Variants in HERC6 observed in about 807,000 individuals in gnomAD.
HERC6 encodes the protein HECT and RLD domain containing E3 ubiquitin protein ligase family member 6.
In HERC6, 101 loss-of-function variants were observed where a neutral mutation model predicts 114.5. That is an observed-to-expected ratio of 0.88 (90% CI 0.75 to 1.04). The LOEUF (loss-of-function observed/expected upper bound fraction) is 1.04, where lower values mean the gene tolerates loss of function less well. Among genes scored for constraint, HERC6 ranks in the 50% least tolerant of loss-of-function variants. The pLI is 0.00. For synonymous variants in HERC6, 408 were observed against 436.2 expected (o/e 0.94, Z 0.81); for missense variants, 1,133 against 1,230.9 (o/e 0.92, Z 1.19).
At chr4:88,384,097 C>T (rs1315627799) in intron 2 of HERC6, among the ~76,000 whole-genome samples, 1 of 152,100 alleles carries the variant, frequency 6.6e-6, no homozygotes, top group Non-Finnish European at 1.5e-5. Flanking sequence ...CCAGTAACTT[C>T]CTTGAGTGAG....
intron 2 of HERC6, 42 bp downstream of exon 2, chr4:88,383,422 A>ATATATATAT: frequency 7.1e-7 from 1 of 1,415,696 alleles, no homozygotes; most frequent in Non-Finnish European, 9.3e-7. Flanking sequence ...CAATATATAT[A>ATATATATAT]GTACCATGTG....
chr4:88,386,897 C>T (rs910949733), intron 3 of HERC6, among the ~76,000 whole-genome samples: 1 of 152,186 alleles, frequency 6.6e-6, no homozygotes, highest in African/African-American at 2.4e-5. Flanking sequence ...CAAAACAATC[C>T]TTATGCCAAA....
At chr4:88,417,119 T>TA (rs755819625) in intron 12 of HERC6, among the ~76,000 whole-genome samples, 3 of 152,272 alleles carry the variant, frequency 2.0e-5, no homozygotes, top group Middle Eastern at 3.4e-3. Flanking sequence ...ATAGATACCC[T>TA]ATACAATTGT....
chr4:88,433,481 C>T (rs1738443729), intron 17 of HERC6, among the ~76,000 whole-genome samples: 1 of 152,052 alleles, frequency 6.6e-6, no homozygotes, highest in African/African-American at 2.4e-5. Context: ...TAGATTAATC[C>T]ACTCATGGAT....
rs372749773 is a variant in HERC6 at position 88,409,672 on chromosome 4, C to T, written c.1368+1055C>T. On this transcript the variant is annotated intron_variant, in intron 11 of 22. Coordinates refer to ENST00000264346, the MANE Select transcript of HERC6 (RefSeq NM_017912.4). ...GCCACTTCTGTATTCTGAGATGAAA[C>T]TTACATCTATTTGAGATGAATCTCT... 3.5e-4 allele frequency among the ~76,000 whole-genome samples: 53 copies of T among 152,310 alleles called. 1 individual carries two copies. Among genetic ancestry groups the T allele is most frequent in the African/African-American group, 1.2e-3 (48 of 41,566 alleles).
intron 13 of HERC6, among the ~76,000 whole-genome samples, chr4:88,421,631 A>G (rs1351469219): frequency 6.6e-6 from 1 of 151,848 alleles, no homozygotes; most frequent in Non-Finnish European, 1.5e-5. Flanking sequence ...ATTTTTGTAG[A>G]GACTGGGTTT....
chr4:88,430,602 A>AAAT (rs1337376838), intron 16 of HERC6, among the ~76,000 whole-genome samples: 1 of 151,652 alleles, frequency 6.6e-6, no homozygotes, highest in African/African-American at 2.4e-5. Context: ...ATAAATAAAT[A>AAAT]AATAAATAAA....
chr4:88,386,561 A>G (rs1734598302), intron 3 of HERC6, among the ~76,000 whole-genome samples: 1 of 152,186 alleles, frequency 6.6e-6, no homozygotes, highest in African/African-American at 2.4e-5. Context: ...AAGTGAAACT[A>G]AAAGTAGTGG....
At position 88,396,981 on chromosome 4, in the gene HERC6, G is replaced by A. The variant is rs966304676; in HGVS notation, c.1018G>A (p.Ala340Thr). The A allele has an allele frequency of 1.2e-6, 2 of 1,610,928 alleles. No homozygotes were observed. Among genetic ancestry groups the A allele is most frequent in the Admixed American group, 1.7e-5 (1 of 59,646 alleles). ...CTTTGACATTAGCTGCCTGATTTCTGCTGAAGGTGTGAATCCCACTAATTC... is the reference window on the plus strand; with the variant it reads ...CTTTGACATTAGCTGCCTGATTTCTACTGAAGGTGTGAATCCCACTAATTC... ...ENFDISCLIS[A>T]EDFVDVQVKH... The change falls in exon 7 of 23, where the codon GCT (alanine) becomes ACT (threonine). Residue 340 changes from alanine (A) to threonine (T), a missense_variant. Around this residue, in one of 3 missense-constraint regions of HERC6, gnomAD observed 735 missense variants for 754.0 expected, o/e 0.97. Transcript: ENST00000264346.
In HERC6 at chr4:88,441,836, T is replaced by C. The variant is rs143005746; in HGVS notation, c.2843-398T>C. 2.0e-3 allele frequency among the ~76,000 whole-genome samples: 306 copies of C among 152,306 alleles called. 1 individual carries two copies. The highest frequency in any genetic ancestry group is 7.3e-3 in the African/African-American group (302 of 41,564). On this transcript the variant is annotated intron_variant, in intron 22 of 22. Transcript: ENST00000264346. ...TCACTTCTTCCCACCTGTGGCTTTT[T>C]CCTGAGCTTTGTCCCCTGCCTTGAA...
chr4:88,420,963 C>G (rs1391063013), intron 13 of HERC6, among the ~76,000 whole-genome samples: 3 of 152,158 alleles, frequency 2.0e-5, no homozygotes, highest in Non-Finnish European at 4.4e-5. Flanking sequence ...CACTCCAGCC[C>G]TAGGCAATCA....
rs10008548 is a variant in HERC6 at position 88,388,198 on chromosome 4, G to C, written c.437-2454G>C. Reference sequence around the variant, plus strand: ...CTGTAATCCCAGCACTCTGGAAGGGGATCACTTGAGGCCAGGAGTTCGAGA... The same window carrying C: ...CTGTAATCCCAGCACTCTGGAAGGGCATCACTTGAGGCCAGGAGTTCGAGA... On this transcript the variant is annotated intron_variant, in intron 3 of 22. Transcript: ENST00000264346. Among the ~76,000 whole-genome samples the C allele has an allele frequency of 3.8e-3, 579 of 152,016 alleles. 4 individuals are homozygous for C. Among genetic ancestry groups the C allele is most frequent in the African/African-American group, 0.013 (533 of 41,456 alleles).
intron 13 of HERC6, among the ~76,000 whole-genome samples, chr4:88,418,059 C>T (rs1410854758): frequency 6.6e-6 from 1 of 151,802 alleles, no homozygotes; most frequent in African/African-American, 2.4e-5. Flanking sequence ...CCAAAAATTA[C>T]ACTCTATGTC....
intron 2 of HERC6, 127 bp downstream of exon 2, chr4:88,383,507 C>A: frequency 1.4e-6 from 1 of 696,936 alleles, no homozygotes; most frequent in Non-Finnish European, 2.1e-6. Context: ...GTCTGTAATC[C>A]CAACACTTTG....
chr4:88,439,995 C>A lies in HERC6; in HGVS notation c.2677C>A (p.Pro893Thr). The part of the protein sequence containing the change: ...CEKEILRHFY[P>T]EELMTAIIGN... ...GAAGGAGATACTTAGACATTTCTAC[C>A]CTGAAGAACTAATGACAGCAATCAT... The change falls in exon 21 of 23, where the codon CCT becomes ACT. Residue 893 changes from proline to threonine, a missense_variant. By Grantham distance (38) the Pro-to-Thr change is conservative (BLOSUM62 -1). This residue lies in a region of HERC6 where 388 missense variants were observed against 445.9 expected (regional missense o/e 0.87). Coordinates refer to ENST00000264346, the MANE Select transcript of HERC6 (RefSeq NM_017912.4). 6.2e-7 allele frequency: 1 copy of A among 1,611,424 alleles called. No individual in the cohort carries two copies. Among genetic ancestry groups the A allele is most frequent in the Non-Finnish European group, 8.5e-7 (1 of 1,179,186 alleles).
rs1190400821 is a variant in HERC6 at position 88,391,828 on chromosome 4, A to G, written c.664+949A>G. On this transcript the variant is annotated intron_variant, in intron 4 of 22. Coordinates refer to ENST00000264346, the MANE Select transcript of HERC6 (RefSeq NM_017912.4). ...ATTCAATTCCTTACAGTCAGCTAAC[A>G]TACAGTTAACACCTAACCTGTGCCA... 4.6e-5 allele frequency among the ~76,000 whole-genome samples: 7 copies of G among 152,200 alleles called. No individual in the cohort carries two copies. In the East Asian group the frequency reaches 1.2e-3, roughly 25 times the overall value.
At chr4:88,397,071 T>C in intron 7 of HERC6, 84 bp downstream of exon 7, 2 of 1,243,700 alleles carry the variant, frequency 1.6e-6, no homozygotes, top group Non-Finnish European at 2.2e-6. Context: ...CAAAGGATCC[T>C]ACAGAACTGT....
rs765816386 is a variant in HERC6, at chr4:88,417,571, C to T, written c.1705C>T (p.Leu569=). 2.4e-5 allele frequency: 39 copies of T among 1,612,384 alleles called. No homozygotes were observed. The highest frequency in any genetic ancestry group is 1.6e-4 in the Middle Eastern group (1 of 6,062). The stretch of plus-strand genomic sequence containing the variant: ...AGCTCTTTTAGGAATGATGAAAGAA[C>T]TGCATAAGGTAAGGGTTACTCTAAA... ...VKALLGMMKE[L]HKVNKANCRL... Residue 569 remains leucine (L), a synonymous_variant, in exon 13 of 23, where the codon CTG becomes TTG. Coordinates refer to ENST00000264346, the MANE Select transcript of HERC6 (RefSeq NM_017912.4).
chr4:88,389,565 G>A (rs928382515), intron 3 of HERC6, among the ~76,000 whole-genome samples: 2 of 152,056 alleles, frequency 1.3e-5, no homozygotes, highest in African/African-American at 4.8e-5. Context: ...GAAGAGTTAA[G>A]GATATCTGTA....
Sources: gnomAD v4.1 joint callset for allele counts (sites outside exome capture counted in the v4.1 genomes callset) on GRCh38, gnomAD v4.1.1 for gene constraint, gnomAD v4.1.1 regional missense constraint, MANE v1.5 for transcripts, NCBI Gene and HGNC (gene_info 2026-07-23, HGNC 2026-07-21) for gene names.